The following TUBGCP5 variants were observed in gnomAD, a reference collection of about 807,000 sequenced individuals.
The protein encoded by TUBGCP5 is tubulin gamma complex component 5.
Under a neutral mutation model 134.7 loss-of-function variants are expected in TUBGCP5, and 98 were observed. The ratio of observed to expected loss-of-function variants is 0.73; its 90% CI spans 0.62 to 0.86. The LOEUF is 0.86. Among genes scored for constraint, TUBGCP5 ranks in the 40% least tolerant of loss-of-function variants. TUBGCP5 has a pLI of 0.00. For synonymous variants in TUBGCP5, 456 were observed against 431.4 expected (o/e 1.06, Z -0.71); for missense variants, 1,150 against 1,244.8 (o/e 0.92, Z 1.15).
chr15:23,034,038 CT>C (rs2066455225), intron 3 of TUBGCP5, among the ~76,000 whole-genome samples: 2 of 152,180 alleles, frequency 1.3e-5, no homozygotes, highest in Admixed American at 1.3e-4. Flanking sequence ...CCTTGGCCAG[CT>C]TGTGGTAACT....
chr15:23,004,471 A>G, intron 19 of TUBGCP5: 1 of 452,040 alleles, frequency 2.2e-6, no homozygotes, highest in Admixed American at 4.6e-5. Context: ...AATGAACGCC[A>G]AACTCTGGAC....
At chr15:22,985,988 G>T (rs1373973081) in intron 23 of TUBGCP5, among the ~76,000 whole-genome samples, 1 of 151,168 alleles carries the variant, frequency 6.6e-6, no homozygotes, top group Middle Eastern at 3.4e-3. Context: ...AAAAAAATTA[G>T]CTGGGTGTGG....
intron 23 of TUBGCP5, among the ~76,000 whole-genome samples, chr15:22,992,707 G>A (rs189646348): frequency 6.6e-6 from 1 of 152,232 alleles, no homozygotes; most frequent in Admixed American, 6.5e-5. Context: ...GCTGAAGAGG[G>A]CTTAAAAGAA....
intron 14 of TUBGCP5, 133 bp from the exon 15 acceptor site, chr15:23,010,266 C>T: frequency 9.5e-7 from 1 of 1,049,198 alleles, no homozygotes; most frequent in Non-Finnish European, 1.4e-6. Context: ...AAAAATCTTT[C>T]TCCCAAAAAT....
intron 18 of TUBGCP5, 77 bp from the exon 19 acceptor site, chr15:23,005,687 A>C: frequency 6.9e-7 from 1 of 1,442,470 alleles, no homozygotes; most frequent in Non-Finnish European, 9.5e-7. Context: ...GCCTGGCAGA[A>C]ACACTGACGG....
At chr15:22,992,971 T>C (rs763191124) in intron 23 of TUBGCP5, among the ~76,000 whole-genome samples, 17 of 151,798 alleles carry the variant, frequency 1.1e-4, no homozygotes, top group Non-Finnish European at 1.9e-4. Flanking sequence ...ACAGAATTAA[T>C]GGTTTTGAAA....
At chr15:23,005,932 A>C in intron 18 of TUBGCP5, 120 bp downstream of exon 18, 2 of 1,119,774 alleles carry the variant, frequency 1.8e-6, no homozygotes, top group South Asian at 3.5e-5. Flanking sequence ...AAAATGATCA[A>C]CAACCACCAA....
chr15:22,995,587 A>C (rs574169873), downstream of TUBGCP5, among the ~76,000 whole-genome samples: 31 of 151,572 alleles, frequency 2.0e-4, no homozygotes, highest in Middle Eastern at 3.4e-3. Context: ...AAAAAAAAAA[A>C]AACAAAACAA....
At chr15:23,008,925 G>A (rs768489956) in intron 15 of TUBGCP5, 44 bp from the exon 16 acceptor site, 7 of 1,466,750 alleles carry the variant, frequency 4.8e-6, no homozygotes, top group South Asian at 2.9e-5. Context: ...TCTGGCATTC[G>A]TAAGGCAGGA....
chr15:23,010,178 A>G (rs58637805), intron 14 of TUBGCP5, 45 bp from the exon 15 acceptor site: 21,409 of 1,572,368 alleles, frequency 0.014, 910 homozygotes, highest in African/African-American at 0.13. Context: ...GCTGCTGTCA[A>G]CAGAACTCTC....
chr15:23,022,930 A>G (rs1194376052), intron 10 of TUBGCP5: 1 of 152,252 alleles, frequency 6.6e-6, no homozygotes, highest in Non-Finnish European at 1.5e-5. Flanking sequence ...CTGGTAACAC[A>G]CAGATGGCAA....
intron 23 of TUBGCP5, among the ~76,000 whole-genome samples, chr15:22,985,929 C>T (rs999501002): frequency 6.6e-6 from 1 of 151,564 alleles, no homozygotes; most frequent in African/African-American, 2.4e-5. Flanking sequence ...GTCAGGAGAT[C>T]GAGACCATCC....
chr15:23,005,549 T>C lies in TUBGCP5; in HGVS notation c.2595A>G (p.Thr865=), dbSNP rs1203143004. 3.7e-6 allele frequency: 6 copies of C among 1,614,074 alleles called. No individual in the cohort carries two copies. The highest frequency in any genetic ancestry group is 5.1e-6 in the Non-Finnish European group (6 of 1,180,032). ...LKEGLIHEQD[T]VAQFGPQKEP... ...CTTTTTGTGGTCCGAACTGAGCAAC[T>C]GTGTCTTGTTCATGTATAAGGCCTT... Residue 865 remains threonine, a synonymous_variant, in exon 19 of 23, where the codon ACA becomes ACG. Coordinates refer to ENST00000615383, the MANE Select transcript of TUBGCP5 (RefSeq NM_052903.6).
intron 6 of TUBGCP5, among the ~76,000 whole-genome samples, chr15:23,030,113 T>A (rs949945433): frequency 6.6e-6 from 1 of 152,072 alleles, no homozygotes. Flanking sequence ...GAGGATCGCT[T>A]GAGGCCAGGA....
intron 1 of TUBGCP5, among the ~76,000 whole-genome samples, chr15:23,038,500 A>G (rs1374340853): frequency 6.6e-6 from 1 of 152,184 alleles, no homozygotes; most frequent in Admixed American, 6.5e-5. Context: ...AATTCAGTTT[A>G]TTACTTCAGA....
chr15:22,997,468 C>T (rs1026446864), downstream of TUBGCP5, among the ~76,000 whole-genome samples: 1 of 152,118 alleles, frequency 6.6e-6, no homozygotes, highest in East Asian at 1.9e-4. Context: ...GCATGAGCCA[C>T]CGTGCTCGGC....
At chr15:23,015,171 C>T (rs948213044) in intron 13 of TUBGCP5, among the ~76,000 whole-genome samples, 4 of 152,008 alleles carry the variant, frequency 2.6e-5, no homozygotes, top group South Asian at 2.1e-4. Flanking sequence ...TGCAAACCTC[C>T]GCCTTCCGGG....
At chr15:23,030,312 G>C (rs2066232297) in intron 6 of TUBGCP5, among the ~76,000 whole-genome samples, 1 of 152,104 alleles carries the variant, frequency 6.6e-6, no homozygotes, top group South Asian at 2.1e-4. Context: ...AAATAAAAAA[G>C]TCTGTCTGTT....
At chr15:23,023,881 A>C in intron 10 of TUBGCP5, 66 bp downstream of exon 10, 2 of 1,491,764 alleles carry the variant, frequency 1.3e-6, no homozygotes, top group South Asian at 1.4e-5. Flanking sequence ...ATATAATAAA[A>C]ACTCTAAGTG....
Sources: allele counts gnomAD v4.1 joint callset (sites outside exome capture counted in the v4.1 genomes callset), GRCh38; gene constraint gnomAD v4.1.1; transcripts MANE v1.5; gene names NCBI Gene and HGNC (gene_info 2026-07-23, HGNC 2026-07-21).